The following SORCS1 variants were observed in gnomAD, a reference collection of about 807,000 sequenced individuals.
SORCS1 encodes the protein VPS10 domain-containing receptor SorCS1.
Under a neutral mutation model 146.1 loss-of-function variants are expected in SORCS1, and 60 were observed. The observed-to-expected ratio is 0.41, with a 90% CI of 0.33 to 0.51. The LOEUF is 0.51. Among genes scored for constraint, SORCS1 ranks in the 20% least tolerant of loss-of-function variants. SORCS1 has a pLI of 0.21. For synonymous variants in SORCS1, 637 were observed against 584.0 expected, an observed-to-expected ratio of 1.09 and a Z score of -1.31; for missense variants, 1,352 against 1,487.6, an observed-to-expected ratio of 0.91 and a Z score of 1.50.
At chr10:107,088,135 G>GTCTC (rs1963901582) in intron 1 of SORCS1, among the ~76,000 whole-genome samples, 1 of 78,484 alleles carries the variant, frequency 1.3e-5, no homozygotes, top group Non-Finnish European at 2.8e-5. Flanking sequence ...AGCCAGGATG[G>GTCTC]TCTCGGCCTC....
chr10:107,044,888 T>C (rs1054984438), intron 1 of SORCS1, among the ~76,000 whole-genome samples: 2 of 149,324 alleles, frequency 1.3e-5, no homozygotes, highest in African/African-American at 2.5e-5. Context: ...ATCAGATAGA[T>C]GGAAAGGGGT....
At position 106,591,810 on chromosome 10, in the gene SORCS1, T is replaced by C. The variant is rs559274741; in HGVS notation, c.3265+5541A>G. 9.2e-5 allele frequency among the ~76,000 whole-genome samples: 14 copies of C among 152,272 alleles called. No individual in the cohort carries two copies. The South Asian group carries it at 1.9e-3, about 20-fold the overall frequency. ...GTCCAGGCAAATGTCTCTGGAAAGA[T>C]GTCATGCAAATGTTGGCATTGAACT... On this transcript the variant is annotated intron_variant, in intron 24 of 25. Transcript: ENST00000263054.
At chr10:107,079,425 G>A (rs1963155748) in intron 1 of SORCS1, among the ~76,000 whole-genome samples, 1 of 152,170 alleles carries the variant, frequency 6.6e-6, no homozygotes, top group Admixed American at 6.5e-5. Flanking sequence ...TACATTGTTT[G>A]TCATAATGGA....
At chr10:106,579,155 G>T (rs141785832) in intron 25 of SORCS1, 1 of 1,614,098 alleles carries the variant, frequency 6.2e-7, no homozygotes, top group South Asian at 1.1e-5. Flanking sequence ...CAGTCTGAGG[G>T]ACATTGGGCC....
intron 18 of SORCS1, among the ~76,000 whole-genome samples, chr10:106,649,263 C>T (rs541629914): frequency 1.1e-4 from 16 of 152,236 alleles, no homozygotes; most frequent in Admixed American, 5.9e-4. Context: ...TGGTAGCAAA[C>T]GCCTACTGGG....
chr10:106,698,477 C>T (rs180959725), intron 9 of SORCS1, among the ~76,000 whole-genome samples: 10 of 152,248 alleles, frequency 6.6e-5, no homozygotes, highest in Non-Finnish European at 1.5e-4. Flanking sequence ...ATAAGAGTAA[C>T]GAATGGCTAA....
chr10:106,599,028 T>C (rs1589441359), intron 23 of SORCS1, among the ~76,000 whole-genome samples: 1 of 152,210 alleles, frequency 6.6e-6, no homozygotes, highest in East Asian at 1.9e-4. Context: ...CTTTATTCTG[T>C]GTATTAGGCT....
chr10:107,085,693 G>A (rs1482864248), intron 1 of SORCS1, among the ~76,000 whole-genome samples: 1 of 152,126 alleles, frequency 6.6e-6, no homozygotes, highest in Non-Finnish European at 1.5e-5. Context: ...GAAGTTTGTT[G>A]ACACCCAAAC....
intron 3 of SORCS1, among the ~76,000 whole-genome samples, chr10:106,822,673 C>T (rs1948097054): frequency 6.6e-6 from 1 of 151,976 alleles, no homozygotes; most frequent in African/African-American, 2.4e-5. Context: ...TTCCCTTTGG[C>T]CATCATTCCT....
At position 106,672,880 on chromosome 10, in the gene SORCS1, C is replaced by G. The variant is rs1288783979; in HGVS notation, c.2046G>C (p.Gln682His). Residue 682 changes from glutamine (Q) to histidine (H), a missense_variant, in exon 15 of 26, where the codon CAG becomes CAC. Gln to His is a conservative substitution (Grantham distance 24). Around this residue, in one of 3 missense-constraint regions of SORCS1, gnomAD observed 648 missense variants for 793.8 expected, o/e 0.82. Transcript: ENST00000263054. ...RCAEEDYRPW[Q>H]LHSQGEACIM... ...CTTTTCCTCCTACCTGGCTGTGCAG[C>G]TGCCAAGGTCTGTAGTCCTCTTCGG... 12 of 1,613,932 alleles carry G rather than the reference C, an allele frequency of 7.4e-6. No homozygotes were observed. The highest frequency in any genetic ancestry group is 9.3e-6 in the Non-Finnish European group (11 of 1,179,836).
intron 1 of SORCS1, among the ~76,000 whole-genome samples, chr10:107,118,963 G>A (rs377744948): frequency 2.0e-5 from 3 of 152,098 alleles, no homozygotes; most frequent in South Asian, 2.1e-4. Context: ...TTTAACACTT[G>A]GGTCCCTGAG....
intron 4 of SORCS1, among the ~76,000 whole-genome samples, chr10:106,765,873 C>T (rs1351372924): frequency 6.6e-6 from 1 of 152,106 alleles, no homozygotes; most frequent in East Asian, 1.9e-4. Context: ...TCAACGTATC[C>T]TCTCTTTTCA....
intron 17 of SORCS1, among the ~76,000 whole-genome samples, chr10:106,660,159 G>A (rs1850618142): frequency 1.3e-5 from 2 of 152,130 alleles, no homozygotes; most frequent in Admixed American, 1.3e-4. Flanking sequence ...AGAATCACCT[G>A]GAAAAGACCA....
chr10:106,980,458 G>A (rs1446596066), intron 1 of SORCS1, among the ~76,000 whole-genome samples: 1 of 152,230 alleles, frequency 6.6e-6, no homozygotes, highest in Non-Finnish European at 1.5e-5. Flanking sequence ...ACTCTGTCCT[G>A]TTTATAAATT....
chr10:106,606,083 T>C (rs1406834401), intron 23 of SORCS1, among the ~76,000 whole-genome samples: 1 of 152,112 alleles, frequency 6.6e-6, no homozygotes, highest in Non-Finnish European at 1.5e-5. Context: ...ATCAAAATCA[T>C]TTCGTTTCTA....
intron 2 of SORCS1, among the ~76,000 whole-genome samples, chr10:106,929,773 GCACACACACA>G (rs36086801): frequency 1.3e-5 from 2 of 150,278 alleles, no homozygotes; most frequent in Non-Finnish European, 3.0e-5. Context: ...ATGTGCACGT[GCACACACACA>G]CACACACACA....
chr10:106,964,158 A>C lies in SORCS1; in HGVS notation c.559-7578T>G, dbSNP rs191452552. Among the ~76,000 whole-genome samples, 83 of 152,350 alleles carry C rather than the reference A, an allele frequency of 5.4e-4. 1 individual carries two copies. The highest frequency in any genetic ancestry group is 3.4e-3 in the Middle Eastern group (1 of 294). On this transcript the variant is annotated intron_variant, in intron 1 of 25. Coordinates refer to ENST00000263054, the MANE Select transcript of SORCS1 (RefSeq NM_052918.5). ...GTCTTCTGGTTTACCTAAAGGTTAG[A>C]GTATGAGCAGGGACCCAACACAATA...
Position 107,008,155 on chromosome 10 carries a change from T to C in SORCS1, c.559-51575A>G, listed in dbSNP as rs139826723. Among the ~76,000 whole-genome samples, 333 of 152,304 alleles carry C rather than the reference T, an allele frequency of 2.2e-3. 5 individuals carry two copies. The highest frequency in any genetic ancestry group is 6.0e-4 in the Non-Finnish European group (41 of 68,032). ...TATACTAACATCATACGATTCTTCA[T>C]CTAGTGCCAGTGACAACTTCAATAG... On this transcript the variant is annotated intron_variant, in intron 1 of 25. Transcript: ENST00000263054.
intron 2 of SORCS1, among the ~76,000 whole-genome samples, chr10:106,849,562 G>C (rs1161162816): frequency 6.6e-6 from 1 of 150,802 alleles, no homozygotes; most frequent in Non-Finnish European, 1.5e-5. Context: ...TAATTTGATC[G>C]TCTGAAGCCT....
Sources: gnomAD v4.1 joint callset for allele counts (sites outside exome capture counted in the v4.1 genomes callset) on GRCh38, gnomAD v4.1.1 for gene constraint, gnomAD v4.1.1 regional missense constraint, MANE v1.5 for transcripts, NCBI Gene and HGNC (gene_info 2026-07-23, HGNC 2026-07-21) for gene names.